CCDC197: variants seen among roughly 807,000 people sequenced by gnomAD.
CCDC197 encodes the protein coiled-coil domain containing 197.
CCDC197 carries 24 observed loss-of-function variants against 13.4 expected under a neutral mutation model. That is an observed-to-expected ratio of 1.80 (90% CI 1.30 to 2.53). The LOEUF is 2.53. Ranked by LOEUF, CCDC197 falls within the 30% of genes most tolerant of loss-of-function variation. The probability of loss-of-function intolerance (pLI) is 0.00; values close to 1 mark genes in which losing one functional copy is unlikely to be tolerated. For synonymous variants in CCDC197, 99 were observed against 55.5 expected, an observed-to-expected ratio of 1.78 and a Z score of -3.48; for missense variants, 255 against 148.8, an observed-to-expected ratio of 1.71 and a Z score of -3.71.
intron 2 of CCDC197, 90 bp from the exon 3 acceptor site, chr14:93,999,490 CAGG>C: frequency 5.3e-6 from 4 of 749,466 alleles, no homozygotes; most frequent in East Asian, 2.4e-5. Flanking sequence ...CACGTCCAAG[CAGG>C]AGATCACAGA....
chr14:94,004,883 C>T lies in CCDC197; in HGVS notation c.527C>T (p.Thr176Ile), dbSNP rs774862301. 1.3e-5 allele frequency: 9 copies of T among 703,028 alleles called. No individual in the cohort carries two copies. The South Asian group carries it at 1.3e-4, about 10-fold the overall frequency. The allele number at this position is 703,028 out of a possible 1,614,324, so 43.5% of individuals were successfully genotyped here. A position where few individuals can be genotyped will look rare whatever the true frequency, so the allele number is the denominator to read the frequency against. The change falls in exon 6 of 7, where the codon ACC (threonine) becomes ATC (isoleucine). Residue 176 changes from threonine (T) to isoleucine (I), a missense_variant. Coordinates refer to ENST00000636493, the MANE Select transcript of CCDC197 (RefSeq NM_001351596.2). The stretch of plus-strand genomic sequence containing the variant: ...CAGCTGCTCGGCTACATGCAAATGA[C>T]CATCACCAACATGGCCCGGCAGTGC... ...NDQLLGYMQMTITNMARQCCP... is the reference protein window; with the variant it reads ...NDQLLGYMQMIITNMARQCCP...
In CCDC197 at chr14:94,003,362, C is replaced by T. The variant is rs1890589240; in HGVS notation, c.498+8C>T. ...ACCAGCAGCAGCTATAATGTGAGTC[C>T]AGTCTTTCAGCCTGGGGGTGGGGTT... On this transcript the variant is annotated splice_region_variant and intron_variant, in intron 5 of 6. Coordinates refer to ENST00000636493, the MANE Select transcript of CCDC197 (RefSeq NM_001351596.2). This position sits in a 1 kb window ranked among gnomAD's most constrained non-coding sequence, Gnocchi z 5.0. 3.4e-6 allele frequency: 2 copies of T among 588,562 alleles called. No individual in the cohort carries two copies. Among genetic ancestry groups the T allele is most frequent in the Non-Finnish European group, 6.6e-6 (2 of 300,984 alleles). 36.5% of individuals were successfully genotyped at this position (588,562 alleles called of 1,614,324 possible).
chr14:93,989,059 G>A (rs534008727), intron 1 of CCDC197, among the ~76,000 whole-genome samples: 15 of 152,150 alleles, frequency 9.9e-5, no homozygotes, highest in African/African-American at 3.4e-4. Context: ...AAACTGCAAT[G>A]TTTGGGGTCC....
At chr14:93,988,273 G>A (rs1241710240) in intron 1 of CCDC197, among the ~76,000 whole-genome samples, 1 of 101,970 alleles carries the variant, frequency 9.8e-6, no homozygotes, top group East Asian at 2.8e-4. Context: ...GGGGATGGGA[G>A]GAAAGGATGG....
chr14:93,992,749 C>G (rs146978951), upstream of CCDC197, among the ~76,000 whole-genome samples: 3 of 152,354 alleles, frequency 2.0e-5, no homozygotes, highest in African/African-American at 7.2e-5. Context: ...GAGCTGGAGA[C>G]AGCCTTACAG....
chr14:94,008,622 A>G lies in CCDC197; in HGVS notation c.629A>G (p.Asp210Gly). The G allele has an allele frequency of 1.4e-6, 1 of 702,102 alleles. No homozygotes were observed. Among genetic ancestry groups the G allele is most frequent in the South Asian group, 1.5e-5 (1 of 67,590 alleles). 43.5% of individuals were successfully genotyped at this position (702,102 alleles called of 1,614,324 possible). A position where few individuals can be genotyped will look rare whatever the true frequency, so the allele number is the denominator to read the frequency against. Residue 210 changes from aspartate (D) to glycine (G), a missense_variant, in exon 7 of 7, where the codon GAC becomes GGC. Coordinates refer to ENST00000636493, the MANE Select transcript of CCDC197 (RefSeq NM_001351596.2). The part of the protein sequence containing the change: ...KLDLIKEFML[D>G]KMETVRLIAL... ...TTTCCCTCCCAGGAGTTCATGTTGG[A>G]CAAAATGGAGACTGTAAGACTGATC...
chr14:93,992,067 G>A (rs937920822), intron 1 of CCDC197, among the ~76,000 whole-genome samples: 1 of 152,240 alleles, frequency 6.6e-6, no homozygotes, highest in Non-Finnish European at 1.5e-5. Context: ...ATCAGCCATG[G>A]CGGGCGGATT....
rs763951123 is a variant in CCDC197, at chr14:94,001,166, C to A, written c.209C>A (p.Pro70Gln). Residue 70 changes from proline to glutamine, a missense_variant, in exon 4 of 7, where the codon CCG (proline) becomes CAG (glutamine). Transcript: ENST00000636493. ...IPEGCTGWEE[P>Q]EEVLVEATVK... Reference sequence around the variant, plus strand: ...GTAGGCTGCACGGGATGGGAGGAGCCGGAGGAGGTGCTGGTGGAGGCCACG... The same window carrying A: ...GTAGGCTGCACGGGATGGGAGGAGCAGGAGGAGGTGCTGGTGGAGGCCACG... The A allele has an allele frequency of 7.7e-6, 6 of 779,830 alleles. No individual in the cohort carries two copies. In the South Asian group the frequency reaches 8.1e-5, roughly 10 times the overall value. 48.3% of individuals were successfully genotyped at this position (779,830 alleles called of 1,614,324 possible). A position where few individuals can be genotyped will look rare whatever the true frequency, so the allele number is the denominator to read the frequency against.
intron 4 of CCDC197, among the ~76,000 whole-genome samples, chr14:94,002,200 C>CG (rs1417849935): frequency 6.6e-6 from 1 of 152,132 alleles, no homozygotes; most frequent in African/African-American, 2.4e-5. Context: ...AGCGGGGCCA[C>CG]GGGGGTATGT....
At chr14:93,990,104 G>T (rs2141339318) in intron 1 of CCDC197, among the ~76,000 whole-genome samples, 1 of 152,274 alleles carries the variant, frequency 6.6e-6, no homozygotes, top group East Asian at 1.9e-4. Flanking sequence ...CTGCTTTAAA[G>T]GGCTTGTGTA....
chr14:94,002,673 T>C (rs1890557052), intron 4 of CCDC197, among the ~76,000 whole-genome samples: 2 of 151,936 alleles, frequency 1.3e-5, no homozygotes, highest in South Asian at 2.1e-4. Context: ...GCCAACATGG[T>C]GAAACCCCAT....
At chr14:93,993,856 G>T (rs532593083), upstream of CCDC197, among the ~76,000 whole-genome samples, 1 of 152,186 alleles carries the variant, frequency 6.6e-6, no homozygotes, top group African/African-American at 2.4e-5. Context: ...CAAGGCCCAG[G>T]GGGTAGAGGC....
chr14:94,002,367 C>A (rs769063497), intron 4 of CCDC197, among the ~76,000 whole-genome samples: 1 of 152,090 alleles, frequency 6.6e-6, no homozygotes, highest in Non-Finnish European at 1.5e-5. Context: ...CGGCTTACTG[C>A]AGCCTCCGCC....
At chr14:93,992,034 T>C (rs1890221494) in intron 1 of CCDC197, among the ~76,000 whole-genome samples, 1 of 152,224 alleles carries the variant, frequency 6.6e-6, no homozygotes, top group South Asian at 2.1e-4. Flanking sequence ...GCAAACAGGT[T>C]GTTAAATTGT....
rs898094125 is a variant in CCDC197, at chr14:93,991,051, C to G, written c.-107+3655C>G. On this transcript the variant is annotated intron_variant, in intron 1 of 7. Coordinates refer to the CCDC197 transcript ENST00000640978. ...ACCTGCCATTAGTGTTCTTTTCATGCTGAAGCACGACTCTATCAACCTTCA... is the reference window on the plus strand; with the variant it reads ...ACCTGCCATTAGTGTTCTTTTCATGGTGAAGCACGACTCTATCAACCTTCA... Among the ~76,000 whole-genome samples the G allele has an allele frequency of 1.6e-4, 24 of 152,196 alleles. 1 individual carries two copies. The highest frequency in any genetic ancestry group is 7.3e-5 in the Non-Finnish European group (5 of 68,036).
At chr14:93,990,672 G>T (rs1890194169) in intron 1 of CCDC197, among the ~76,000 whole-genome samples, 1 of 152,200 alleles carries the variant, frequency 6.6e-6, no homozygotes, top group Admixed American at 6.5e-5. Context: ...TGACAGATTG[G>T]GGTGCACATT....
intron 3 of CCDC197, 151 bp from the exon 4 acceptor site, chr14:94,000,994 C>T (rs545957686): frequency 7.9e-6 from 4 of 507,466 alleles, no homozygotes; most frequent in Admixed American, 3.7e-5. Context: ...ATGGCAAGCC[C>T]GGGACCATCC....
intron 2 of CCDC197, 194 bp from the exon 3 acceptor site, chr14:93,999,389 T>C (rs1306977872): frequency 3.5e-6 from 2 of 574,284 alleles, no homozygotes; most frequent in South Asian, 2.1e-5. Flanking sequence ...TTTGATCTGC[T>C]TGTGGCTCAG....
At position 93,990,438 on chromosome 14, in the gene CCDC197, A is replaced by G. The variant is rs553768486; in HGVS notation, c.-107+3042A>G. On this transcript the variant is annotated intron_variant, in intron 1 of 7. Transcript: ENST00000640978. Reference sequence around the variant, plus strand: ...TCAGGAATCCATAAAAAATGATAAGAAAGAGGGCTGGTCCAGGCCACCCAG... The same window carrying G: ...TCAGGAATCCATAAAAAATGATAAGGAAGAGGGCTGGTCCAGGCCACCCAG... Among the ~76,000 whole-genome samples, 15 of 152,270 alleles carry G rather than the reference A, an allele frequency of 9.9e-5. No homozygotes were observed. The East Asian group carries it at 2.9e-3, about 29-fold the overall frequency.
Sources: gnomAD v4.1 joint callset for allele counts (sites outside exome capture counted in the v4.1 genomes callset) on GRCh38, gnomAD v4.1.1 for gene constraint, Gnocchi (gnomAD v3.1) non-coding constraint, MANE v1.5 for transcripts, NCBI Gene and HGNC (gene_info 2026-07-23, HGNC 2026-07-21) for gene names.